The following ANKRD11 variants were observed in gnomAD, a reference collection of about 807,000 sequenced individuals.
ANKRD11 encodes ankyrin repeat domain-containing protein 11.
ANKRD11 carries 17 observed loss-of-function variants against 195.7 expected under a neutral mutation model. The ratio of observed to expected loss-of-function variants is 0.09; its 90% CI spans 0.06 to 0.13. The LOEUF (loss-of-function observed/expected upper bound fraction) is 0.13, where lower values mean the gene tolerates loss of function less well. Ranked by LOEUF, ANKRD11 falls within the 10% of genes least tolerant of loss-of-function variation. The pLI is 1.00. For synonymous variants in ANKRD11, 1,953 were observed against 1,528.1 expected, an observed-to-expected ratio of 1.28 and a Z score of -6.49; for missense variants, 3,735 against 3,566.1, an observed-to-expected ratio of 1.05 and a Z score of -1.21.
Position 89,314,224 on chromosome 16 carries a change from A to G in ANKRD11, c.87+2709T>C, listed in dbSNP as rs1456567628. On this transcript the variant is annotated intron_variant, in intron 3 of 12. Coordinates refer to ENST00000301030, the MANE Select transcript of ANKRD11 (RefSeq NM_013275.6). ...AGCTGAGACTCTACCACTGCACTCCACCCTGGGTGACAGAGTCAGACCCTG... is the reference window on the plus strand; with the variant it reads ...AGCTGAGACTCTACCACTGCACTCCGCCCTGGGTGACAGAGTCAGACCCTG... Among the ~76,000 whole-genome samples, 4 of 152,160 alleles carry G rather than the reference A, an allele frequency of 2.6e-5. No homozygotes were observed. In the East Asian group the frequency reaches 7.7e-4, roughly 29 times the overall value.
chr16:89,464,599 C>A (rs1457583262), intron 1 of ANKRD11, among the ~76,000 whole-genome samples: 1 of 125,462 alleles, frequency 8.0e-6, no homozygotes, highest in East Asian at 2.3e-4. Context: ...CAGAGTGAGA[C>A]TCCATCTTAA....
At chr16:89,315,885 A>G (rs1567632012) in intron 3 of ANKRD11, among the ~76,000 whole-genome samples, 1 of 152,184 alleles carries the variant, frequency 6.6e-6, no homozygotes. Context: ...AACCCACAAC[A>G]TGAGCAGAGA....
chr16:89,337,193 A>G (rs2038407172), intron 2 of ANKRD11, among the ~76,000 whole-genome samples: 1 of 151,768 alleles, frequency 6.6e-6, no homozygotes, highest in Non-Finnish European at 1.5e-5. Flanking sequence ...CTCAAAAAAC[A>G]AAAAACAAAA....
intron 3 of ANKRD11, among the ~76,000 whole-genome samples, chr16:89,307,288 GC>G (rs1475219037): frequency 6.6e-6 from 1 of 152,198 alleles, no homozygotes. Context: ...CCACGGTCCT[GC>G]CTCCTGGGAC....
At chr16:89,435,835 C>CACACACAT (rs1555578690) in intron 1 of ANKRD11, among the ~76,000 whole-genome samples, 1 of 149,912 alleles carries the variant, frequency 6.7e-6, no homozygotes, top group East Asian at 1.9e-4. Context: ...CACACACACA[C>CACACACAT]GCTTTCGGTC....
At chr16:89,445,562 A>G (rs2043748030) in intron 1 of ANKRD11, among the ~76,000 whole-genome samples, 2 of 152,226 alleles carry the variant, frequency 1.3e-5, no homozygotes, top group African/African-American at 4.8e-5. Flanking sequence ...TGAAGCAGGA[A>G]ACAAAGACAG....
chr16:89,283,845 G>A lies in ANKRD11; in HGVS notation c.2697C>T (p.Asp899=), dbSNP rs1048736311. 24 of 1,614,020 alleles carry A rather than the reference G, an allele frequency of 1.5e-5. No individual in the cohort carries two copies. Among genetic ancestry groups the A allele is most frequent in the Non-Finnish European group, 2.0e-5 (24 of 1,180,050 alleles). The change falls in exon 9 of 13, where the codon GAC becomes GAT. Residue 899 remains aspartate (D), a synonymous_variant. Transcript: ENST00000301030. This position sits in a 1 kb window ranked among gnomAD's most constrained non-coding sequence, Gnocchi z 4.3. ...RRDSRAREKR[D]YREPFFRKKD... is the part of the protein sequence containing the mutation. ...TCTTTCGGAAGAAGGGCTCTCTGTA[G>A]TCTCGCTTCTCCCGGGCCCGGCTGT...
intron 1 of ANKRD11, among the ~76,000 whole-genome samples, chr16:89,436,151 A>G (rs1362906787): frequency 6.6e-6 from 1 of 152,176 alleles, no homozygotes; most frequent in African/African-American, 2.4e-5. Flanking sequence ...ACAGTGGCTC[A>G]TGCCTGTAAT....
At chr16:89,354,611 G>T (rs1260078438) in intron 2 of ANKRD11, among the ~76,000 whole-genome samples, 1 of 152,218 alleles carries the variant, frequency 6.6e-6, no homozygotes, top group African/African-American at 2.4e-5. Context: ...GCAGGGCACG[G>T]TGGCTCACTC....
intron 1 of ANKRD11, among the ~76,000 whole-genome samples, chr16:89,474,320 G>C (rs756263903): frequency 1.1e-4 from 16 of 152,014 alleles, no homozygotes; most frequent in Non-Finnish European, 2.1e-4. Context: ...CACAGCAGTA[G>C]AAAATAAATA....
chr16:89,477,253 C>G (rs527315593), intron 1 of ANKRD11, among the ~76,000 whole-genome samples: 2 of 149,518 alleles, frequency 1.3e-5, no homozygotes, highest in Non-Finnish European at 3.0e-5. Context: ...AGTGCAGTGG[C>G]GCCATCTCGG....
chr16:89,311,199 G>A (rs949463279), intron 3 of ANKRD11, among the ~76,000 whole-genome samples: 1 of 152,190 alleles, frequency 6.6e-6, no homozygotes, highest in Non-Finnish European at 1.5e-5. Context: ...ATTGATATTG[G>A]AGGTTCAACC....
intron 2 of ANKRD11, among the ~76,000 whole-genome samples, chr16:89,348,645 C>T (rs1180185241): frequency 6.6e-6 from 1 of 152,152 alleles, no homozygotes; most frequent in Non-Finnish European, 1.5e-5. Flanking sequence ...ACTATTTAAG[C>T]TATCTATTTC....
chr16:89,465,477 G>C (rs987627561), intron 1 of ANKRD11, among the ~76,000 whole-genome samples: 70 of 152,214 alleles, frequency 4.6e-4, no homozygotes, highest in African/African-American at 1.6e-3. Context: ...AGAGCAGACA[G>C]TCCATCGAGG....
At chr16:89,480,343 G>A (rs1245386455) in intron 1 of ANKRD11, among the ~76,000 whole-genome samples, 1 of 151,372 alleles carries the variant, frequency 6.6e-6, no homozygotes, top group Non-Finnish European at 1.5e-5. Flanking sequence ...CGAGCCTGGT[G>A]GTGGGTGCCT....
chr16:89,386,689 A>G (rs1391001960), intron 2 of ANKRD11, among the ~76,000 whole-genome samples: 2 of 152,238 alleles, frequency 1.3e-5, no homozygotes, highest in Admixed American at 1.3e-4. Context: ...CTAGGTGGAA[A>G]AGCAGACACG....
intron 2 of ANKRD11, among the ~76,000 whole-genome samples, chr16:89,341,050 C>T (rs74522298): frequency 0.019 from 2,877 of 152,258 alleles, 100 homozygotes; most frequent in African/African-American, 0.067. Flanking sequence ...GCTTCAGAAT[C>T]CTTTAACATA....
rs772192522 is a variant in ANKRD11 at position 89,280,390 on chromosome 16, G to A, written c.6152C>T (p.Ser2051Leu). Residue 2051 changes from serine to leucine, a missense_variant, in exon 9 of 13, where the codon TCA (serine) becomes TTA (leucine). Coordinates refer to ENST00000301030, the MANE Select transcript of ANKRD11 (RefSeq NM_013275.6). ...GGGAGGGGCGTAGGGAGCCGCCTCT[G>A]AGGTGGAGATGGCGGCGGGGACGGC... The part of the protein sequence containing the change: ...VDAVPAAIST[S>L]EAAPYAPPSG... 17 of 1,562,636 alleles carry A rather than the reference G, an allele frequency of 1.1e-5. No homozygotes were observed. The highest frequency in any genetic ancestry group is 1.5e-5 in the Non-Finnish European group (17 of 1,155,256).
intron 1 of ANKRD11, among the ~76,000 whole-genome samples, chr16:89,421,864 G>A (rs1260557038): frequency 6.6e-6 from 1 of 152,182 alleles, no homozygotes; most frequent in African/African-American, 2.4e-5. Flanking sequence ...AGGGGTGGGG[G>A]TAACCAAAAC....
Sources: allele counts gnomAD v4.1 joint callset (sites outside exome capture counted in the v4.1 genomes callset), GRCh38; gene constraint gnomAD v4.1.1; non-coding constraint Gnocchi (gnomAD v3.1); transcripts MANE v1.5; gene names NCBI Gene and HGNC (gene_info 2026-07-23, HGNC 2026-07-21).